RBM6: variants seen among roughly 807,000 people sequenced by gnomAD.
RBM6 encodes RNA binding motif protein 6.
In RBM6, 23 loss-of-function variants were observed where a neutral mutation model predicts 140.4. The ratio of observed to expected loss-of-function variants is 0.16; its 90% confidence interval spans 0.12 to 0.23. RBM6 has a LOEUF of 0.23. Ranked by LOEUF, RBM6 falls within the 10% of genes least tolerant of loss-of-function variation. The probability of loss-of-function intolerance (pLI) is 1.00; values close to 1 mark genes in which losing one functional copy is unlikely to be tolerated. For missense variants in RBM6, 1,139 were observed against 1,386.7 expected (o/e 0.82, Z 2.84); for synonymous variants, 439 against 475.6 (o/e 0.92, Z 1.00).
intron 1 of RBM6, among the ~76,000 whole-genome samples, chr3:49,945,775 G>A (rs1306266804): frequency 6.6e-6 from 1 of 151,452 alleles, no homozygotes; most frequent in Non-Finnish European, 1.5e-5. Context: ...CCAGCTGCTG[G>A]GGAGGCTGGG....
chr3:50,035,047 C>A (rs2088443642), intron 6 of RBM6, among the ~76,000 whole-genome samples: 1 of 144,340 alleles, frequency 6.9e-6, no homozygotes, highest in African/African-American at 2.6e-5. Flanking sequence ...CCCTCTCCTC[C>A]CCTACTCCCC....
chr3:50,018,588 T>G (rs866627451), intron 6 of RBM6, among the ~76,000 whole-genome samples: 21 of 127,580 alleles, frequency 1.6e-4, no homozygotes, highest in East Asian at 4.6e-4. Flanking sequence ...TGTGTTTTTT[T>G]TTTTTTTTTT....
rs2090489790 is a variant in RBM6 at position 50,077,193 on chromosome 3, CTT to C, written c.*63_*64del. 6.6e-7 allele frequency: 1 copy of C among 1,519,640 alleles called. No individual in the cohort carries two copies. The highest frequency in any genetic ancestry group is 1.4e-5 in the African/African-American group (1 of 70,692). The allele number at this position is 1,519,640 out of a possible 1,614,324, so 94.1% of individuals were successfully genotyped here. A position where few individuals can be genotyped will look rare whatever the true frequency, so the allele number is the denominator to read the frequency against. On this transcript the variant is annotated 3_prime_UTR_variant, in exon 21 of 21. Coordinates refer to ENST00000266022, the MANE Select transcript of RBM6 (RefSeq NM_005777.3). ...TCTTGTTTTGTTTGTCTCTCCTTTTCTTTTGTTACTGTTCTTGCTGCTAGAAC... is the reference window on the plus strand; with the variant it reads ...TCTTGTTTTGTTTGTCTCTCCTTTTCTTGTTACTGTTCTTGCTGCTAGAAC...
At chr3:50,061,404 T>C (rs758380171) in intron 13 of RBM6, 58 bp from the exon 14 acceptor site, 16 of 1,582,648 alleles carry the variant, frequency 1.0e-5, no homozygotes, top group Middle Eastern at 1.7e-4. Flanking sequence ...TTGATGAGTC[T>C]CCAGTAAGGG....
rs542734328 is a variant in RBM6, at chr3:50,021,740, C to CTTTTTTTTTTTTTTTTTTTTTTTTTTTT, written c.1557+22230_1557+22257dup. On this transcript the variant is annotated intron_variant, in intron 6 of 20. Transcript: ENST00000266022. ...ATCTCCATACTGAGGAATTTAAGTG[C>CTTTTTTTTTTTTTTTTTTTTTTTTTTTT]TTTTTTTTTTTTTTTTTTTTTTTTT... Among the ~76,000 whole-genome samples, 7 of 42,756 alleles carry CTTTTTTTTTTTTTTTTTTTTTTTTTTTT rather than the reference C, an allele frequency of 1.6e-4. 1 individual carries two copies. The highest frequency in any genetic ancestry group is 2.0e-4 in the Non-Finnish European group (5 of 24,474). The allele number at this position is 42,756 out of a possible 152,430, so 28.0% of individuals were successfully genotyped here. A position where few individuals can be genotyped will look rare whatever the true frequency, so the allele number is the denominator to read the frequency against.
intron 19 of RBM6, among the ~76,000 whole-genome samples, chr3:50,073,135 G>A (rs1302207957): frequency 6.6e-6 from 1 of 152,106 alleles, no homozygotes; most frequent in East Asian, 1.9e-4. Flanking sequence ...TGTCTACATG[G>A]TCTGATCCAT....
chr3:50,041,370 C>T (rs2088907712), intron 6 of RBM6, among the ~76,000 whole-genome samples: 1 of 152,200 alleles, frequency 6.6e-6, no homozygotes, highest in African/African-American at 2.4e-5. Context: ...TGACATAGGG[C>T]ATTCTTTGTA....
chr3:50,032,695 AG>A (rs2088246624), intron 6 of RBM6, among the ~76,000 whole-genome samples: 1 of 151,574 alleles, frequency 6.6e-6, no homozygotes, highest in East Asian at 2.0e-4. Context: ...TTTAAGAAAT[AG>A]AGACAGGGGG....
chr3:50,054,843 TGAGACA>T (rs1401377225), intron 8 of RBM6, among the ~76,000 whole-genome samples: 1 of 150,998 alleles, frequency 6.6e-6, no homozygotes, highest in Non-Finnish European at 1.5e-5. Flanking sequence ...TATTTATTTT[TGAGACA>T]GAGTCTCGTA....
At chr3:49,957,450 G>T (rs35975822) in intron 1 of RBM6, among the ~76,000 whole-genome samples, 119 of 151,916 alleles carry the variant, frequency 7.8e-4, no homozygotes, top group African/African-American at 2.7e-3. Flanking sequence ...ACTGTGCCTA[G>T]CCCCTTCTCA....
chr3:49,960,218 A>G (rs970972957), intron 1 of RBM6, among the ~76,000 whole-genome samples: 1 of 152,168 alleles, frequency 6.6e-6, no homozygotes, highest in Non-Finnish European at 1.5e-5. Context: ...GGAGCTGGGA[A>G]TTGGGCTTCT....
At chr3:50,026,963 G>T (rs908764798) in intron 6 of RBM6, among the ~76,000 whole-genome samples, 1 of 151,260 alleles carries the variant, frequency 6.6e-6, no homozygotes, top group Admixed American at 6.6e-5. Context: ...GATTTCATTC[G>T]CATCCCTAAA....
At position 49,967,909 on chromosome 3, in the gene RBM6, G is replaced by A. The variant is rs902418066; in HGVS notation, c.484G>A (p.Ala162Thr). Residue 162 changes from alanine to threonine, a missense_variant, in exon 3 of 21, where the codon GCT (alanine) becomes ACT (threonine). Ala to Thr is a moderately conservative substitution (Grantham distance 58). Coordinates refer to ENST00000266022, the MANE Select transcript of RBM6 (RefSeq NM_005777.3). This position sits in a 1 kb window ranked among gnomAD's most constrained non-coding sequence, Gnocchi z 4.0. ...GAACTACAGAGACAGGGATGCTCAC[G>A]CTGTTGACTTCAGAGGTAGGGATGC... Reference protein sequence around the residue: ...HMNYRDRDAHAVDFRGRDAPP... With the variant: ...HMNYRDRDAHTVDFRGRDAPP... The A allele has an allele frequency of 2.5e-6, 4 of 1,613,876 alleles. No homozygotes were observed. The highest frequency in any genetic ancestry group is 1.6e-4 in the Middle Eastern group (1 of 6,062).
chr3:49,970,685 T>C (rs4688759), intron 3 of RBM6, among the ~76,000 whole-genome samples: 14,287 of 152,288 alleles, frequency 0.094, 747 homozygotes, highest in Admixed American at 0.1. Flanking sequence ...AATTTTACAA[T>C]GAAGGTATTC....
At chr3:49,947,367 G>A (rs908318690) in intron 1 of RBM6, among the ~76,000 whole-genome samples, 21 of 151,962 alleles carry the variant, frequency 1.4e-4, no homozygotes, top group Admixed American at 1.2e-3. Context: ...GTGTTTGAGG[G>A]TGCAGTGAGC....
chr3:50,015,435 T>TATTA (rs1396156958), intron 6 of RBM6, among the ~76,000 whole-genome samples: 2 of 143,642 alleles, frequency 1.4e-5, no homozygotes, highest in Admixed American at 6.9e-5. Context: ...ATTATTATTT[T>TATTA]TTTTTTTTTT....
intron 1 of RBM6, among the ~76,000 whole-genome samples, chr3:49,961,691 C>T (rs947373811): frequency 4.6e-5 from 7 of 150,890 alleles, no homozygotes; most frequent in East Asian, 2.0e-4. Flanking sequence ...CCCAGCTACT[C>T]GGGAGGCTGA....
chr3:49,989,692 C>T (rs1256655958), intron 5 of RBM6, among the ~76,000 whole-genome samples: 1 of 152,070 alleles, frequency 6.6e-6, no homozygotes, highest in Non-Finnish European at 1.5e-5. Context: ...AGTATTAAGT[C>T]AAAACTCCCA....
chr3:49,986,806 T>G (rs1167262513), intron 5 of RBM6, among the ~76,000 whole-genome samples: 1 of 150,546 alleles, frequency 6.6e-6, no homozygotes, highest in African/African-American at 2.4e-5. Flanking sequence ...TTTCTTTTCT[T>G]TCAGAGTTTT....
Sources: gnomAD v4.1 joint callset for allele counts (sites outside exome capture counted in the v4.1 genomes callset) on GRCh38, gnomAD v4.1.1 for gene constraint, Gnocchi (gnomAD v3.1) non-coding constraint, MANE v1.5 for transcripts, NCBI Gene and HGNC (gene_info 2026-07-23, HGNC 2026-07-21) for gene names.